The following CTDP1 variants were observed in gnomAD, a reference collection of about 807,000 sequenced individuals.
CTDP1 encodes RNA polymerase II subunit A C-terminal domain phosphatase.
A neutral mutation model predicts 91.8 loss-of-function variants in CTDP1; 47 were observed. The observed-to-expected ratio is 0.51, with a 90% CI of 0.41 to 0.65. The LOEUF (loss-of-function observed/expected upper bound fraction) is 0.65. CTDP1 is among the 30% of genes least tolerant of loss of function. The pLI is 0.00. For missense variants in CTDP1, 1,272 were observed against 1,373.7 expected, an observed-to-expected ratio of 0.93 and a Z score of 1.17; for synonymous variants, 656 against 598.5, an observed-to-expected ratio of 1.10 and a Z score of -1.40.
At chr18:79,682,594 C>T (rs1359649539) in intron 1 of CTDP1, among the ~76,000 whole-genome samples, 2 of 152,194 alleles carry the variant, frequency 1.3e-5, no homozygotes, top group African/African-American at 4.8e-5. Flanking sequence ...TTCAGTAAAT[C>T]GTCTGCTGTT....
intron 12 of CTDP1, among the ~76,000 whole-genome samples, chr18:79,741,753 G>A (rs1167336762): frequency 6.6e-6 from 1 of 152,202 alleles, no homozygotes; most frequent in African/African-American, 2.4e-5. Flanking sequence ...CCTCTTGTCC[G>A]TTTGGGAGGG....
chr18:79,746,464 G>C (rs180929931), intron 12 of CTDP1, among the ~76,000 whole-genome samples: 5 of 152,246 alleles, frequency 3.3e-5, no homozygotes, highest in African/African-American at 1.2e-4. Context: ...GGTTGTGTTC[G>C]TTCTCCCTTC....
rs1278372362 is a variant in CTDP1, at chr18:79,715,369, G to C, written c.1909G>C (p.Val637Leu). ...PELKSKVLAD[V>L]AIIFSGLHPT... The stretch of plus-strand genomic sequence containing the variant: ...GCTCAAGAGCAAGGTGCTGGCAGAC[G>C]TGGCCATAATTTTCAGTGGGCTACA... Residue 637 changes from valine to leucine, a missense_variant, in exon 8 of 13, where the codon GTG (valine) becomes CTG (leucine). Val to Leu is a conservative substitution (Grantham distance 32, BLOSUM62 1). Transcript: ENST00000613122. 1.2e-6 allele frequency: 2 copies of C among 1,608,378 alleles called. No individual in the cohort carries two copies. The highest frequency in any genetic ancestry group is 1.7e-6 in the Non-Finnish European group (2 of 1,177,370).
At chr18:79,706,640 C>T (rs1007249693) in intron 5 of CTDP1, among the ~76,000 whole-genome samples, 1 of 152,110 alleles carries the variant, frequency 6.6e-6, no homozygotes, top group Non-Finnish European at 1.5e-5. Flanking sequence ...CATAAGATTT[C>T]ATCACTAAGA....
intron 6 of CTDP1, 79 bp downstream of exon 6, chr18:79,710,515 C>A: frequency 8.8e-7 from 1 of 1,139,752 alleles, no homozygotes; most frequent in Non-Finnish European, 1.3e-6. Flanking sequence ...AAATTTAGAG[C>A]AGTATTTCTT....
Position 79,679,902 on chromosome 18 carries a change from C to T in CTDP1, c.-46C>T, listed in dbSNP as rs1314275469. On this transcript the variant is annotated 5_prime_UTR_variant, in exon 1 of 13. Coordinates refer to ENST00000613122, the MANE Select transcript of CTDP1 (RefSeq NM_004715.5). ...GCCGCGGTAGGCGCTGCGCTCTGAG[C>T]GCAGCGCAGGCCCCGTACCGACCGC... The T allele has an allele frequency of 2.2e-6, 3 of 1,346,036 alleles. No homozygotes were observed. The highest frequency in any genetic ancestry group is 3.2e-5 in the East Asian group (1 of 30,976). The allele number at this position is 1,346,036 out of a possible 1,614,324, so 83.4% of individuals were successfully genotyped here.
At chr18:79,720,505 G>A (rs976584423) in intron 10 of CTDP1, among the ~76,000 whole-genome samples, 4 of 148,102 alleles carry the variant, frequency 2.7e-5, no homozygotes, top group African/African-American at 7.6e-5. Context: ...ACCTCCCATC[G>A]TGTCCTAGTG....
At chr18:79,740,353 C>CTG (rs1242572763) in intron 12 of CTDP1, among the ~76,000 whole-genome samples, 1 of 152,212 alleles carries the variant, frequency 6.6e-6, no homozygotes, top group Non-Finnish European at 1.5e-5. Context: ...TCCTGTCCAG[C>CTG]TGGGTTTTTG....
chr18:79,703,657 C>G (rs2122550280), intron 4 of CTDP1: 1 of 147,868 alleles, frequency 6.8e-6, no homozygotes, highest in Admixed American at 6.9e-5. Flanking sequence ...CTGCGGTGGC[C>G]TTGCTGTGTA....
intron 10 of CTDP1, among the ~76,000 whole-genome samples, chr18:79,721,761 A>T (rs898780929): frequency 2.2e-4 from 34 of 151,998 alleles, no homozygotes; most frequent in East Asian, 3.9e-4. Context: ...TCAAAAAAAA[A>T]TTTTTCTTAA....
Position 79,695,967 on chromosome 18 carries a change from G to A in CTDP1, c.399-10G>A, listed in dbSNP as rs1393096537. 2.5e-6 allele frequency: 4 copies of A among 1,610,484 alleles called. No homozygotes were observed. In the East Asian group the frequency reaches 6.7e-5, roughly 27 times the overall value. On this transcript the variant is annotated splice_polypyrimidine_tract_variant and intron_variant, in intron 2 of 12. Transcript: ENST00000613122. ...AGCTGAAAGCCCTGAACCTGTCCTT[G>A]CACTTGCAGGTTGCAGAGTAAGAAC...
chr18:79,753,867 T>G lies in CTDP1; in HGVS notation c.*77T>G. On this transcript the variant is annotated 3_prime_UTR_variant, in exon 13 of 13. Coordinates refer to ENST00000613122, the MANE Select transcript of CTDP1 (RefSeq NM_004715.5). ...GACGTCCCCGGACCAGCCCTCAGTCTCGGTCCACGCTGCTTTCTTCCCAAA... is the reference window on the plus strand; with the variant it reads ...GACGTCCCCGGACCAGCCCTCAGTCGCGGTCCACGCTGCTTTCTTCCCAAA... 5.8e-6 allele frequency: 9 copies of G among 1,546,316 alleles called. No individual in the cohort carries two copies. The highest frequency in any genetic ancestry group is 7.9e-6 in the Non-Finnish European group (9 of 1,138,738).
Position 79,679,896 on chromosome 18 carries a change from TC to T in CTDP1, c.-51del, listed in dbSNP as rs1204039909. The T allele has an allele frequency of 7.6e-7, 1 of 1,318,456 alleles. No individual in the cohort carries two copies. Among genetic ancestry groups the T allele is most frequent in the Non-Finnish European group, 9.7e-7 (1 of 1,027,818 alleles). 81.7% of individuals were successfully genotyped at this position (1,318,456 alleles called of 1,614,324 possible). On this transcript the variant is annotated 5_prime_UTR_variant, in exon 1 of 13. Coordinates refer to ENST00000613122, the MANE Select transcript of CTDP1 (RefSeq NM_004715.5). ...TGTGTCGCCGCGGTAGGCGCTGCGCTCTGAGCGCAGCGCAGGCCCCGTACCG... is the reference window on the plus strand; with the variant it reads ...TGTGTCGCCGCGGTAGGCGCTGCGCTTGAGCGCAGCGCAGGCCCCGTACCG...
intron 10 of CTDP1, among the ~76,000 whole-genome samples, chr18:79,723,731 A>G (rs1002519351): frequency 2.6e-5 from 4 of 152,156 alleles, no homozygotes; most frequent in Non-Finnish European, 2.9e-5. Flanking sequence ...TCATCCAGAC[A>G]CAGAACCCTC....
chr18:79,742,291 AG>A (rs947261725), intron 12 of CTDP1, among the ~76,000 whole-genome samples: 134 of 151,550 alleles, frequency 8.8e-4, no homozygotes, highest in African/African-American at 2.9e-3. Flanking sequence ...CACGAGAGAG[AG>A]GCCTGAGGGC....
intron 12 of CTDP1, among the ~76,000 whole-genome samples, chr18:79,738,897 A>G (rs766403396): frequency 1.2e-4 from 19 of 152,234 alleles, no homozygotes; most frequent in Non-Finnish European, 2.2e-4. Flanking sequence ...GAAATTCCGT[A>G]TTGGGTGATA....
At chr18:79,741,434 T>C (rs2086776029) in intron 12 of CTDP1, among the ~76,000 whole-genome samples, 1 of 152,226 alleles carries the variant, frequency 6.6e-6, no homozygotes. Flanking sequence ...CCAAGAAACA[T>C]AGCACAGCAT....
chr18:79,681,338 C>A, intron 1 of CTDP1: 2 of 489,132 alleles, frequency 4.1e-6, no homozygotes, highest in East Asian at 1.5e-4. Context: ...CAGGGCCTTG[C>A]CTCCCAGAAA....
At chr18:79,720,574 C>A (rs2086324232) in intron 10 of CTDP1, among the ~76,000 whole-genome samples, 1 of 152,168 alleles carries the variant, frequency 6.6e-6, no homozygotes. Flanking sequence ...CCATCGTGTC[C>A]TGGTGATGTC....
Sources: gnomAD v4.1 joint callset for allele counts (sites outside exome capture counted in the v4.1 genomes callset) on GRCh38, gnomAD v4.1.1 for gene constraint, MANE v1.5 for transcripts, NCBI Gene and HGNC (gene_info 2026-07-23, HGNC 2026-07-21) for gene names.